The following TRPM6 variants were observed in gnomAD, a reference collection of about 807,000 sequenced individuals.
TRPM6 encodes channel kinase 2.
In TRPM6, 111 loss-of-function variants were observed where a neutral mutation model predicts 247.6. That is an observed-to-expected ratio of 0.45 (90% CI 0.38 to 0.52). TRPM6 has a LOEUF of 0.52. Among genes scored for constraint, TRPM6 ranks in the 20% least tolerant of loss-of-function variants. TRPM6 has a pLI of 0.00. For missense variants in TRPM6, 2,126 were observed against 2,421.5 expected (o/e 0.88, Z 2.56); for synonymous variants, 892 against 853.8 (o/e 1.04, Z -0.78).
At chr9:74,882,015 T>C (rs1831380186) in intron 1 of TRPM6, among the ~76,000 whole-genome samples, 1 of 152,190 alleles carries the variant, frequency 6.6e-6, no homozygotes, top group African/African-American at 2.4e-5. Context: ...AGAATGAAAC[T>C]GAACTCCTAT....
At chr9:74,814,315 G>C (rs538006168) in intron 11 of TRPM6, among the ~76,000 whole-genome samples, 14 of 151,982 alleles carry the variant, frequency 9.2e-5, no homozygotes, top group African/African-American at 3.1e-4. Context: ...GAGTACTGAG[G>C]GGGATAAGGG....
intron 27 of TRPM6, among the ~76,000 whole-genome samples, chr9:74,760,658 T>G (rs1193209765): frequency 6.6e-6 from 1 of 152,184 alleles, no homozygotes; most frequent in Non-Finnish European, 1.5e-5. Context: ...CATTCATTAA[T>G]ATGGCTAAAA....
At chr9:74,842,112 G>GAAA in intron 4 of TRPM6, 54 bp downstream of exon 4, 57 of 1,397,318 alleles carry the variant, frequency 4.1e-5, no homozygotes, top group Admixed American at 9.8e-5. Flanking sequence ...ACCCCGTCTC[G>GAAA]AAAAAAAAAA....
Position 74,785,717 on chromosome 9 carries a change from G to GT in TRPM6, c.2919+156dup, listed in dbSNP as rs552157800. ...TTTTTGTATTTTTAGTAGAGACGGG[G>GT]TTTCACCCTGTTAGCCAGGATGTTC... On this transcript the variant is annotated intron_variant, in intron 21 of 38. Coordinates refer to ENST00000360774, the MANE Select transcript of TRPM6 (RefSeq NM_017662.5). Among the ~76,000 whole-genome samples the GT allele has an allele frequency of 3.8e-3, 580 of 152,264 alleles. 4 individuals carry two copies. The highest frequency in any genetic ancestry group is 0.014 in the Middle Eastern group (4 of 294).
chr9:74,839,578 G>A (rs1337006695), intron 5 of TRPM6, among the ~76,000 whole-genome samples: 1 of 152,102 alleles, frequency 6.6e-6, no homozygotes, highest in Non-Finnish European at 1.5e-5. Flanking sequence ...GCATGGATTC[G>A]ATGTCCCTTC....
Position 74,816,753 on chromosome 9 carries a change from C to A in TRPM6, c.1224G>T (p.Ala408=), listed in dbSNP as rs141597109. The change falls in exon 11 of 39, where the codon GCG becomes GCT. Residue 408 remains alanine (A), a synonymous_variant. Coordinates refer to ENST00000360774, the MANE Select transcript of TRPM6 (RefSeq NM_017662.5). ...CCATTGCCAGATTTAATTGCTCTGA[C>A]GCTGATAAATTTGTGCCTAGGGTAA... ...TALLKGTNLS[A]SEQLNLAMAW... is the part of the protein sequence containing the mutation. 3.1e-6 allele frequency: 5 copies of A among 1,614,118 alleles called. No homozygotes were observed. The South Asian group carries it at 4.4e-5, about 14-fold the overall frequency.
chr9:74,876,798 A>C (rs2118498021), intron 1 of TRPM6, among the ~76,000 whole-genome samples: 1 of 152,316 alleles, frequency 6.6e-6, no homozygotes, highest in South Asian at 2.1e-4. Flanking sequence ...TCTGCCACAT[A>C]GCATGTGAGA....
At chr9:74,736,460 T>C (rs1387056440) in intron 36 of TRPM6, among the ~76,000 whole-genome samples, 1 of 152,344 alleles carries the variant, frequency 6.6e-6, no homozygotes, top group Non-Finnish European at 1.5e-5. Context: ...AAATACATTC[T>C]ATTTTCCCTT....
chr9:74,753,999 G>T (rs562827921), intron 28 of TRPM6, among the ~76,000 whole-genome samples: 44 of 151,586 alleles, frequency 2.9e-4, no homozygotes, highest in African/African-American at 1.0e-3. Flanking sequence ...TCGTTGGAAA[G>T]AACTTAAATG....
At chr9:74,726,363 A>G (rs1825322939) in intron 38 of TRPM6, among the ~76,000 whole-genome samples, 2 of 152,142 alleles carry the variant, frequency 1.3e-5, no homozygotes, top group African/African-American at 4.8e-5. Flanking sequence ...TACAAAAATT[A>G]GCTGGGCGTG....
Position 74,724,172 on chromosome 9 carries a change from G to A in TRPM6, c.*441C>T. On this transcript the variant is annotated 3_prime_UTR_variant, in exon 39 of 39. Transcript: ENST00000360774. ...AGGAGGAAATCACATAACTTTTTAT[G>A]AACATATATATAGACATAAATACAA... The A allele has an allele frequency of 5.2e-6, 1 of 193,802 alleles. No homozygotes were observed. The highest frequency in any genetic ancestry group is 1.0e-4 in the South Asian group (1 of 9,688). The allele number at this position is 193,802 out of a possible 1,614,324, so 12.0% of individuals were successfully genotyped here. A position where few individuals can be genotyped will look rare whatever the true frequency, so the allele number is the denominator to read the frequency against.
intron 14 of TRPM6, among the ~76,000 whole-genome samples, 174 bp from the exon 15 acceptor site, chr9:74,804,060 A>C (rs541684521): frequency 6.6e-6 from 1 of 151,980 alleles, no homozygotes; most frequent in African/African-American, 2.4e-5. Flanking sequence ...GTTTCTCTCC[A>C]TGATTAGCAC....
At position 74,724,698 on chromosome 9, in the gene TRPM6, C is replaced by A. The variant is rs762073480; in HGVS notation, c.5984G>T (p.Gly1995Val). The A allele has an allele frequency of 6.2e-7, 1 of 1,614,136 alleles. No individual in the cohort carries two copies. The highest frequency in any genetic ancestry group is 1.7e-5 in the Admixed American group (1 of 60,024). Residue 1995 changes from glycine (G) to valine (V), a missense_variant, in exon 39 of 39, where the codon GGA becomes GTA. Gly to Val is a moderately radical substitution (Grantham distance 109). Around this residue, in one of 3 missense-constraint regions of TRPM6, gnomAD observed 327 missense variants for 397.7 expected, o/e 0.82. Transcript: ENST00000360774. Reference sequence around the variant, plus strand: ...AGCTGATTCTATTTTTATCTCAAGTCCAAAGGTGGAATTTATCCTTTCAGG... The same window carrying A: ...AGCTGATTCTATTTTTATCTCAAGTACAAAGGTGGAATTTATCCTTTCAGG... ...YSPERINSTFGLEIKIESAEE... is the reference protein window; with the variant it reads ...YSPERINSTFVLEIKIESAEE...
At chr9:74,777,897 A>T (rs759611511) in intron 23 of TRPM6, among the ~76,000 whole-genome samples, 1 of 152,250 alleles carries the variant, frequency 6.6e-6, no homozygotes, top group Non-Finnish European at 1.5e-5. Context: ...CAAACAAATC[A>T]GTAGTTATGT....
intron 23 of TRPM6, among the ~76,000 whole-genome samples, chr9:74,779,820 C>T (rs1419355240): frequency 3.3e-5 from 5 of 152,166 alleles, no homozygotes; most frequent in Non-Finnish European, 5.9e-5. Flanking sequence ...GTCTGAAAAA[C>T]TGAGGGGCCA....
intron 1 of TRPM6, among the ~76,000 whole-genome samples, chr9:74,867,540 A>T (rs1830885962): frequency 6.6e-6 from 1 of 152,232 alleles, no homozygotes; most frequent in African/African-American, 2.4e-5. Flanking sequence ...AGAAAGTTCC[A>T]ACACAAGATA....
chr9:74,786,247 A>G, intron 20 of TRPM6, 122 bp from the exon 21 acceptor site: 1 of 1,046,564 alleles, frequency 9.6e-7, no homozygotes, highest in Non-Finnish European at 1.4e-6. Flanking sequence ...CAAACCTTAA[A>G]TCACTTGCGG....
intron 1 of TRPM6, among the ~76,000 whole-genome samples, chr9:74,874,402 CATG>C (rs1311556833): frequency 6.6e-6 from 1 of 152,144 alleles, no homozygotes; most frequent in African/African-American, 2.4e-5. Flanking sequence ...TGCTGGAACA[CATG>C]ATATTAAAAG....
rs1486345951 is a variant in TRPM6 at position 74,742,623 on chromosome 9, A to T, written c.5138T>A (p.Ile1713Asn). 1 of 1,613,742 alleles carries T rather than the reference A, an allele frequency of 6.2e-7. No homozygotes were observed. ...PQEPHHHYSA[I>N]ERNNLMRLSQ... Reference sequence around the variant, plus strand: ...AAGCCTCATTAAATTATTCCTTTCAATGGCTGCAAACAAAAACAGATTTTC... The same window carrying T: ...AAGCCTCATTAAATTATTCCTTTCATTGGCTGCAAACAAAAACAGATTTTC... Residue 1713 changes from isoleucine to asparagine, a missense_variant, in exon 33 of 39, where the codon ATT becomes AAT. Ile to Asn is a moderately radical substitution (Grantham distance 149). This residue lies in a region of TRPM6 where 327 missense variants were observed against 397.7 expected (regional missense o/e 0.82). Transcript: ENST00000360774.
Sources: allele counts gnomAD v4.1 joint callset (sites outside exome capture counted in the v4.1 genomes callset), GRCh38; gene constraint gnomAD v4.1.1; regional missense constraint gnomAD v4.1.1; transcripts MANE v1.5; gene names NCBI Gene and HGNC (gene_info 2026-07-23, HGNC 2026-07-21).